Variants in IGF2BP2 observed in about 807,000 individuals in gnomAD.
The protein encoded by IGF2BP2 is insulin like growth factor 2 mRNA binding protein 2.
IGF2BP2 carries 17 observed loss-of-function variants against 75.8 expected under a neutral mutation model. The observed-to-expected ratio is 0.22, with a 90% confidence interval of 0.15 to 0.34. The LOEUF (loss-of-function observed/expected upper bound fraction) is 0.34. Among genes scored for constraint, IGF2BP2 ranks in the 10% least tolerant of loss-of-function variants. The probability of loss-of-function intolerance (pLI) is 1.00; values close to 1 mark genes in which losing one functional copy is unlikely to be tolerated. For missense variants in IGF2BP2, 516 were observed against 772.4 expected, an observed-to-expected ratio of 0.67 and a Z score of 3.93; for synonymous variants, 288 against 295.6, an observed-to-expected ratio of 0.97 and a Z score of 0.26.
chr3:185,716,899 G>C (rs1725722207), intron 2 of IGF2BP2: 1 of 467,846 alleles, frequency 2.1e-6, no homozygotes, highest in Non-Finnish European at 4.2e-6. Flanking sequence ...ACATCCTGTT[G>C]TAACGCTCTG....
chr3:185,682,595 C>A (rs556392096), intron 7 of IGF2BP2, among the ~76,000 whole-genome samples: 117 of 152,220 alleles, frequency 7.7e-4, no homozygotes, highest in Middle Eastern at 3.4e-3. Context: ...ACGAAAGAAT[C>A]AAATATCTCA....
At position 185,649,403 on chromosome 3, in the gene IGF2BP2, G is replaced by T. The variant is rs139682125; in HGVS notation, c.1593C>A (p.Thr531=). 3 of 1,612,990 alleles carry T rather than the reference G, an allele frequency of 1.9e-6. No homozygotes were observed. The highest frequency in any genetic ancestry group is 1.3e-5 in the African/African-American group (1 of 74,966). ...AGRVIGKGGK[T]VNELQNLTSA... is the part of the protein sequence containing the mutation. ...TGAAGCGAGCCCGGAGCACACTTAC[G>T]GTCTTGCCACCTTTGCCAATCACCC... Residue 531 remains threonine (T), a splice_region_variant and synonymous_variant, in exon 14 of 16, where the codon ACC becomes ACA. Transcript: ENST00000382199.
chr3:185,649,795 G>C (rs1248228900), intron 13 of IGF2BP2, among the ~76,000 whole-genome samples: 2 of 152,242 alleles, frequency 1.3e-5, no homozygotes, highest in African/African-American at 2.4e-5. Context: ...CTCCTCTAGG[G>C]AGCTTTCTGT....
chr3:185,770,281 G>A (rs897866363), intron 2 of IGF2BP2, among the ~76,000 whole-genome samples: 33 of 152,334 alleles, frequency 2.2e-4, no homozygotes, highest in African/African-American at 5.8e-4. Flanking sequence ...GACTGGTCGA[G>A]CAGGACCGGC....
chr3:185,803,928 A>C (rs1288615282), intron 2 of IGF2BP2, among the ~76,000 whole-genome samples: 1 of 152,050 alleles, frequency 6.6e-6, no homozygotes, highest in Non-Finnish European at 1.5e-5. Context: ...GTTTGAGACC[A>C]GCCTGGCCAA....
chr3:185,687,198 GA>G lies in IGF2BP2; in HGVS notation c.678-8del. 1.3e-6 allele frequency: 2 copies of G among 1,596,764 alleles called. No homozygotes were observed. The highest frequency in any genetic ancestry group is 8.5e-7 in the Non-Finnish European group (1 of 1,175,520). ...TTTTCTATGGATATCTACCCTGTAGGAAAAGAATCAGGAGCCATGATTACAA... is the reference window on the plus strand; with the variant it reads ...TTTTCTATGGATATCTACCCTGTAGGAAAGAATCAGGAGCCATGATTACAA... On this transcript the variant is annotated splice_polypyrimidine_tract_variant and splice_region_variant and intron_variant, in intron 6 of 15. Coordinates refer to ENST00000382199, the MANE Select transcript of IGF2BP2 (RefSeq NM_006548.6).
intron 2 of IGF2BP2, among the ~76,000 whole-genome samples, chr3:185,766,153 C>T (rs1268053480): frequency 1.3e-5 from 2 of 151,996 alleles, no homozygotes; most frequent in Non-Finnish European, 2.9e-5. Context: ...TATACACGGC[C>T]ACTAAGCATA....
chr3:185,774,907 C>T (rs1189054365), intron 2 of IGF2BP2, among the ~76,000 whole-genome samples: 1 of 151,860 alleles, frequency 6.6e-6, no homozygotes. Flanking sequence ...GTAGTCCCAG[C>T]TACTTGGGAG....
intron 10 of IGF2BP2, among the ~76,000 whole-genome samples, chr3:185,665,837 C>T (rs1217671229): frequency 6.6e-6 from 1 of 152,110 alleles, no homozygotes; most frequent in African/African-American, 2.4e-5. Flanking sequence ...TGTGGTGGCA[C>T]ATGCCTGTAG....
chr3:185,684,370 ATAC>A (rs1720815290), intron 7 of IGF2BP2, among the ~76,000 whole-genome samples: 1 of 151,606 alleles, frequency 6.6e-6, no homozygotes, highest in Non-Finnish European at 1.5e-5. Context: ...TCATCATTGG[ATAC>A]TACATTTTTC....
chr3:185,658,080 A>T (rs1715740034), intron 11 of IGF2BP2, among the ~76,000 whole-genome samples: 1 of 152,126 alleles, frequency 6.6e-6, no homozygotes, highest in African/African-American at 2.4e-5. Context: ...CTGCTTGCCC[A>T]TCTGCAGCAG....
intron 2 of IGF2BP2, among the ~76,000 whole-genome samples, chr3:185,765,957 A>C (rs1399748905): frequency 6.6e-6 from 1 of 152,240 alleles, no homozygotes; most frequent in African/African-American, 2.4e-5. Context: ...GTTTGTGGGC[A>C]TGGGTATGGG....
At chr3:185,658,746 A>T (rs1179562075) in intron 10 of IGF2BP2, among the ~76,000 whole-genome samples, 1 of 151,796 alleles carries the variant, frequency 6.6e-6, no homozygotes, top group African/African-American at 2.4e-5. Context: ...GCACCCATAC[A>T]CTCTTAACCT....
At chr3:185,808,755 ATGGGGT>A (rs1578380862) in intron 2 of IGF2BP2, among the ~76,000 whole-genome samples, 1 of 149,840 alleles carries the variant, frequency 6.7e-6, no homozygotes, top group East Asian at 2.0e-4. Context: ...TTTAGTAGAG[ATGGGGT>A]TTTGCCATGT....
chr3:185,749,645 G>T (rs1448998860), intron 2 of IGF2BP2, among the ~76,000 whole-genome samples: 1 of 152,056 alleles, frequency 6.6e-6, no homozygotes. Flanking sequence ...CTCTTTTCTG[G>T]ACATAACTTC....
At chr3:185,791,524 G>A (rs551975795) in intron 2 of IGF2BP2, among the ~76,000 whole-genome samples, 6 of 152,192 alleles carry the variant, frequency 3.9e-5, no homozygotes, top group Non-Finnish European at 7.3e-5. Context: ...ATCTCTGGGC[G>A]TGTCCTCTGT....
At chr3:185,650,026 C>T (rs1714309582) in intron 13 of IGF2BP2, among the ~76,000 whole-genome samples, 1 of 151,354 alleles carries the variant, frequency 6.6e-6, no homozygotes, top group Admixed American at 6.6e-5. Context: ...TAATGGAGAA[C>T]AGGGTCTTGC....
At chr3:185,782,240 T>C (rs371056441) in intron 2 of IGF2BP2, among the ~76,000 whole-genome samples, 4 of 152,278 alleles carry the variant, frequency 2.6e-5, no homozygotes, top group African/African-American at 7.2e-5. Flanking sequence ...TTTAATGATG[T>C]AGAGAATTAT....
At chr3:185,722,972 C>T (rs188828296) in intron 2 of IGF2BP2, among the ~76,000 whole-genome samples, 86 of 152,238 alleles carry the variant, frequency 5.6e-4, no homozygotes, top group African/African-American at 1.9e-3. Flanking sequence ...TAAAAACATG[C>T]TTTGTTTTGT....
Sources: allele counts gnomAD v4.1 joint callset (sites outside exome capture counted in the v4.1 genomes callset), GRCh38; gene constraint gnomAD v4.1.1; transcripts MANE v1.5; gene names NCBI Gene and HGNC (gene_info 2026-07-23, HGNC 2026-07-21).